Variants in PEX5L observed in about 807,000 individuals in gnomAD.
PEX5L encodes PEX5-related protein.
Under a neutral mutation model 84.0 loss-of-function variants are expected in PEX5L, and 30 were observed. The observed-to-expected ratio is 0.36, with a 90% CI of 0.27 to 0.48. PEX5L has a LOEUF of 0.48. PEX5L is among the 20% of genes least tolerant of loss of function. The probability of loss-of-function intolerance (pLI) is 0.99; values close to 1 mark genes in which losing one functional copy is unlikely to be tolerated. For synonymous variants in PEX5L, 270 were observed against 283.1 expected (o/e 0.95, Z 0.46); for missense variants, 533 against 754.6 (o/e 0.71, Z 3.44).
chr3:179,872,889 A>G (rs1185376412), intron 7 of PEX5L, among the ~76,000 whole-genome samples: 1 of 152,250 alleles, frequency 6.6e-6, no homozygotes, highest in African/African-American at 2.4e-5. Flanking sequence ...TTTTAAAAAT[A>G]CATTTAGAGT....
intron 4 of PEX5L, among the ~76,000 whole-genome samples, chr3:179,886,147 T>A (rs1439437953): frequency 6.6e-6 from 1 of 152,288 alleles, no homozygotes; most frequent in East Asian, 1.9e-4. Flanking sequence ...AATTGGAGCA[T>A]GAAGAGGAAG....
intron 12 of PEX5L, among the ~76,000 whole-genome samples, chr3:179,809,096 A>AAG: frequency 6.6e-6 from 1 of 150,918 alleles, no homozygotes; most frequent in Admixed American, 6.6e-5. Flanking sequence ...AAAAAAAAAA[A>AAG]AAAAGAAAAC....
rs1467137354 is a variant in PEX5L, at chr3:179,797,601, A to ATATATATATATAT, written c.*4226_*4227insATATATATATATA. ...TATGAACACTCTTTAAAAAAAAAAA[A>ATATATATATATAT]AAAAATATATATATATATATATATA... is the stretch of plus-strand genomic sequence containing the variant. On this transcript the variant is annotated 3_prime_UTR_variant, in exon 15 of 15. Transcript: ENST00000467460. 1.9e-5 allele frequency: 2 copies of ATATATATATATAT among 107,088 alleles called. No homozygotes were observed. The highest frequency in any genetic ancestry group is 7.8e-5 in the African/African-American group (2 of 25,512). The allele number at this position is 107,088 out of a possible 1,614,324, so 6.6% of individuals were successfully genotyped here. A position where few individuals can be genotyped will look rare whatever the true frequency, so the allele number is the denominator to read the frequency against.
At position 179,808,400 on chromosome 3, in the gene PEX5L, C is replaced by A; in HGVS notation, c.1390G>T (p.Ala464Ser). The A allele has an allele frequency of 6.3e-7, 1 of 1,575,538 alleles. No homozygotes were observed. Among genetic ancestry groups the A allele is most frequent in the Non-Finnish European group, 8.6e-7 (1 of 1,163,358 alleles). The change falls in exon 13 of 15, where the codon GCT becomes TCT. Residue 464 changes from alanine to serine, a missense_variant. This residue lies in a region of PEX5L where 63 missense variants were observed against 60.2 expected (regional missense o/e 1.05). Coordinates refer to ENST00000467460, the MANE Select transcript of PEX5L (RefSeq NM_016559.3). ...LEGVKELYLE[A>S]AHQNGDMIDP... ...ATCATATCTCCATTTTGGTGGGCAG[C>A]TTCCAGATATAATTCCTTCACCCCT...
chr3:179,887,537 A>G, intron 4 of PEX5L, 136 bp downstream of exon 4: 1 of 659,196 alleles, frequency 1.5e-6, no homozygotes, highest in East Asian at 2.6e-5. Context: ...GGTTTATGCT[A>G]AATAGTATAC....
chr3:179,984,683 AATTTGTCTTTT>A (rs200371407), intron 1 of PEX5L, among the ~76,000 whole-genome samples: 2,507 of 152,296 alleles, frequency 0.016, 38 homozygotes, highest in Non-Finnish European at 0.026. Context: ...TTATAAAGTC[AATTTGTCTTTT>A]TTAGATTCTC....
At chr3:179,874,658 T>C (rs1254121490) in intron 6 of PEX5L, among the ~76,000 whole-genome samples, 1 of 148,008 alleles carries the variant, frequency 6.8e-6, no homozygotes, top group African/African-American at 2.5e-5. Flanking sequence ...AGTTCGATTA[T>C]GGGCAAAAAG....
intron 2 of PEX5L, among the ~76,000 whole-genome samples, chr3:179,922,893 G>T (rs1430207040): frequency 6.6e-6 from 1 of 152,122 alleles, no homozygotes; most frequent in African/African-American, 2.4e-5. Context: ...TGCCTTTCAT[G>T]AAAAAGAATT....
intron 1 of PEX5L, among the ~76,000 whole-genome samples, chr3:179,985,097 T>C (rs1267556911): frequency 6.6e-6 from 1 of 152,176 alleles, no homozygotes; most frequent in Admixed American, 6.5e-5. Context: ...AAGGGCTGAG[T>C]ATTGAGACAC....
chr3:180,002,005 A>G (rs1054364785), intron 1 of PEX5L, among the ~76,000 whole-genome samples: 4 of 152,160 alleles, frequency 2.6e-5, no homozygotes, highest in African/African-American at 9.7e-5. Context: ...ACTTCTTTGT[A>G]CTTGTTTTTC....
chr3:179,855,329 C>T (rs978826298), intron 8 of PEX5L, among the ~76,000 whole-genome samples: 122 of 152,280 alleles, frequency 8.0e-4, no homozygotes, highest in African/African-American at 2.9e-3. Context: ...CTGGAGCTTA[C>T]TAGTATTTAA....
chr3:179,875,283 CTT>C lies in PEX5L; in HGVS notation c.629+69_629+70del. On this transcript the variant is annotated intron_variant, in intron 6 of 14. Transcript: ENST00000467460. ...GCCAAGTATTTGGATTGACTTAACTCTTTGGCTATTTCAGTGCCACTCATAAA... is the reference window on the plus strand; with the variant it reads ...GCCAAGTATTTGGATTGACTTAACTCTGGCTATTTCAGTGCCACTCATAAA... 4.1e-6 allele frequency: 6 copies of C among 1,452,486 alleles called. No homozygotes were observed. In the South Asian group the frequency reaches 5.8e-5, roughly 14 times the overall value. The allele number at this position is 1,452,486 out of a possible 1,614,324, so 90.0% of individuals were successfully genotyped here. A position where few individuals can be genotyped will look rare whatever the true frequency, so the allele number is the denominator to read the frequency against.
intron 2 of PEX5L, among the ~76,000 whole-genome samples, chr3:179,918,834 C>T (rs1358887859): frequency 6.6e-6 from 1 of 152,116 alleles, no homozygotes; most frequent in Non-Finnish European, 1.5e-5. Flanking sequence ...AAGTGCTATG[C>T]TACAATTGGT....
intron 1 of PEX5L, among the ~76,000 whole-genome samples, chr3:180,018,742 A>G (rs1790157449): frequency 6.6e-6 from 1 of 152,196 alleles, no homozygotes; most frequent in South Asian, 2.1e-4. Context: ...TAGACAGCTC[A>G]CACGAAGCCT....
At chr3:179,922,696 T>G (rs530142107) in intron 2 of PEX5L, among the ~76,000 whole-genome samples, 6 of 151,858 alleles carry the variant, frequency 4.0e-5, no homozygotes, top group African/African-American at 1.4e-4. Flanking sequence ...TCAAGTGATC[T>G]GCCCACTTCG....
intron 1 of PEX5L, among the ~76,000 whole-genome samples, chr3:179,999,000 A>G (rs1192654263): frequency 1.3e-5 from 2 of 152,220 alleles, no homozygotes; most frequent in African/African-American, 4.8e-5. Flanking sequence ...CATCTCTGAA[A>G]GACAGCAGTG....
chr3:179,876,173 A>T (rs2108738987), intron 5 of PEX5L, among the ~76,000 whole-genome samples: 1 of 152,148 alleles, frequency 6.6e-6, no homozygotes, highest in Admixed American at 6.5e-5. Flanking sequence ...CCACTGAAAC[A>T]ATCTTGGGGT....
intron 4 of PEX5L, among the ~76,000 whole-genome samples, chr3:179,883,307 C>T (rs1434293875): frequency 1.3e-5 from 2 of 152,186 alleles, no homozygotes; most frequent in Non-Finnish European, 2.9e-5. Flanking sequence ...GCTGACTTCA[C>T]TTCTATTTGC....
In PEX5L at chr3:179,809,478, C is replaced by G. The variant is rs902209451; in HGVS notation, c.1345G>C (p.Val449Leu). The G allele has an allele frequency of 6.2e-7, 1 of 1,612,752 alleles. No individual in the cohort carries two copies. Among genetic ancestry groups the G allele is most frequent in the Non-Finnish European group, 8.5e-7 (1 of 1,178,756 alleles). ...GLTRRMSKSP[V>L]DSSVLEGVKE... ...ATATAACGAGAAGGATACCTATCAA[C>G]TGGGGACTTAGACATCCGCCGGGTG... The change falls in exon 12 of 15, where the codon GTT becomes CTT. Residue 449 changes from valine (V) to leucine (L), a missense_variant. Val to Leu is a conservative substitution (Grantham distance 32). Coordinates refer to ENST00000467460, the MANE Select transcript of PEX5L (RefSeq NM_016559.3).
Sources: gnomAD v4.1 joint callset for allele counts (sites outside exome capture counted in the v4.1 genomes callset) on GRCh38, gnomAD v4.1.1 for gene constraint, gnomAD v4.1.1 regional missense constraint, MANE v1.5 for transcripts, NCBI Gene and HGNC (gene_info 2026-07-23, HGNC 2026-07-21) for gene names.